Variants in ZNF7 observed in about 807,000 individuals in gnomAD.
ZNF7 encodes the protein C2-H2 type zinc finger protein.
A neutral mutation model predicts 12.0 loss-of-function variants in ZNF7; 10 were observed. The observed-to-expected ratio is 0.83, with a 90% CI of 0.51 to 1.42. ZNF7 has a LOEUF of 1.42. Among genes scored for constraint, ZNF7 ranks in the 40% most tolerant of loss-of-function variants. The probability of loss-of-function intolerance (pLI) is 0.00; values close to 1 mark genes in which losing one functional copy is unlikely to be tolerated. For synonymous variants in ZNF7, 334 were observed against 295.0 expected, an observed-to-expected ratio of 1.13 and a Z score of -1.35; for missense variants, 854 against 837.2, an observed-to-expected ratio of 1.02 and a Z score of -0.25.
chr8:144,837,882 A>G (rs1829215607), intron 4 of ZNF7: 4 of 575,768 alleles, frequency 6.9e-6, no homozygotes, highest in Non-Finnish European at 1.2e-5. Context: ...TCGGGTAAGC[A>G]TATTCCCTGA....
chr8:144,831,416 G>T (rs1038031423), intron 3 of ZNF7, among the ~76,000 whole-genome samples: 8 of 152,220 alleles, frequency 5.3e-5, no homozygotes, highest in African/African-American at 7.2e-5. Flanking sequence ...CAGTGATGGT[G>T]TGTCACAGCT....
Position 144,843,403 on chromosome 8 carries a change from C to CA in ZNF7, c.*236dup, listed in dbSNP as rs1830244365. 2.4e-6 allele frequency: 1 copy of CA among 416,812 alleles called. No homozygotes were observed. The allele number at this position is 416,812 out of a possible 1,614,324, so 25.8% of individuals were successfully genotyped here. On this transcript the variant is annotated 3_prime_UTR_variant, in exon 5 of 5. Coordinates refer to ENST00000532777, the MANE Select transcript of ZNF7 (RefSeq NM_003416.4). Reference sequence around the variant, plus strand: ...AGGAGGTTGAGACCATCCTGGGTAACAGGTGAAACCCCATCTCTACTAAAA... The same window carrying CA: ...AGGAGGTTGAGACCATCCTGGGTAACAAGGTGAAACCCCATCTCTACTAAAA...
At position 144,841,338 on chromosome 8, in the gene ZNF7, G is replaced by C. The variant is rs567693641; in HGVS notation, c.248-17G>C. 1.3e-6 allele frequency: 2 copies of C among 1,589,628 alleles called. No individual in the cohort carries two copies. Among genetic ancestry groups the C allele is most frequent in the Non-Finnish European group, 1.7e-6 (2 of 1,165,776 alleles). On this transcript the variant is annotated splice_polypyrimidine_tract_variant and intron_variant, in intron 4 of 4. Coordinates refer to ENST00000532777, the MANE Select transcript of ZNF7 (RefSeq NM_003416.4). ...AGCACAGGGCCTAAGGAACGTCTTTGTTCCTGTTTATTTCAGATTCTACGA... is the reference window on the plus strand; with the variant it reads ...AGCACAGGGCCTAAGGAACGTCTTTCTTCCTGTTTATTTCAGATTCTACGA...
At position 144,841,479 on chromosome 8, in the gene ZNF7, C is replaced by T. The variant is rs150995956; in HGVS notation, c.372C>T (p.Asp124=). ...QDFPQNPGFG[D]VSDSEVWLDS... ...TTCCTCAGAATCCTGGCTTTGGAGA[C>T]GTTTCTGATTCTGAGGTCTGGTTAG... is the stretch of plus-strand genomic sequence containing the variant. Residue 124 remains aspartate (D), a synonymous_variant, in exon 5 of 5, where the codon GAC becomes GAT. Transcript: ENST00000532777. 6.3e-5 allele frequency: 101 copies of T among 1,614,190 alleles called. No individual in the cohort carries two copies. The East Asian group carries it at 1.8e-3, about 29-fold the overall frequency.
Position 144,842,159 on chromosome 8 carries a change from G to C in ZNF7, c.1052G>C (p.Arg351Thr). ...TTCAGCCAGCAGTCGCAGCTGGTTA[G>C]ACACCAGAGAACTCACACTGGGGAG... is the stretch of plus-strand genomic sequence containing the variant. ...KAFSQQSQLV[R>T]HQRTHTGERP... Residue 351 changes from arginine to threonine, a missense_variant, in exon 5 of 5, where the codon AGA becomes ACA. By Grantham distance (71) the Arg-to-Thr change is moderately conservative. Transcript: ENST00000532777. 6 of 1,613,594 alleles carry C rather than the reference G, an allele frequency of 3.7e-6. No individual in the cohort carries two copies. The highest frequency in any genetic ancestry group is 5.1e-6 in the Non-Finnish European group (6 of 1,179,864).
intron 2 of ZNF7, 91 bp downstream of exon 2, chr8:144,829,181 TG>T: frequency 1.3e-6 from 2 of 1,595,408 alleles, no homozygotes; most frequent in Non-Finnish European, 1.7e-6. Context: ...GACCCTACCT[TG>T]GCCCTTGCTG....
chr8:144,844,095 C>T (rs1468174337), downstream of ZNF7, among the ~76,000 whole-genome samples: 4 of 152,220 alleles, frequency 2.6e-5, no homozygotes, highest in Non-Finnish European at 5.9e-5. Context: ...TGAGGTCACA[C>T]TTGTGTCCCA....
rs1047112348 is a variant in ZNF7, at chr8:144,827,587, G to A, written c.-68G>A. ...TTCCGGCGGCGTCGCGCGTTTGCGA[G>A]CCTCGGGTGGTCCTCAGGGAGGGTG... On this transcript the variant is annotated 5_prime_UTR_variant, in exon 1 of 5. Transcript: ENST00000532777. 92 of 985,686 alleles carry A rather than the reference G, an allele frequency of 9.3e-5. No homozygotes were observed. The highest frequency in any genetic ancestry group is 5.2e-4 in the Middle Eastern group (1 of 1,934). 61.1% of individuals were successfully genotyped at this position (985,686 alleles called of 1,614,324 possible).
At position 144,829,517 on chromosome 8, in the gene ZNF7, C is replaced by T. The variant is rs777836248; in HGVS notation, c.43C>T (p.Arg15Trp). 23 of 1,614,046 alleles carry T rather than the reference C, an allele frequency of 1.4e-5. No homozygotes were observed. The highest frequency in any genetic ancestry group is 1.3e-4 in the East Asian group (6 of 44,894). Reference sequence around the variant, plus strand: ...TGGCGATGTGGCTGTGCACTTCTCTCGGGAGGAGTGGCAGTGTCTGGACCC... The same window carrying T: ...TGGCGATGTGGCTGTGCACTTCTCTTGGGAGGAGTGGCAGTGTCTGGACCC... ...TFGDVAVHFSREEWQCLDPGQ... is the reference protein window; with the variant it reads ...TFGDVAVHFSWEEWQCLDPGQ... Residue 15 changes from arginine to tryptophan, a missense_variant, in exon 3 of 5, where the codon CGG becomes TGG. By Grantham distance (101) the Arg-to-Trp change is moderately radical (BLOSUM62 -3). Transcript: ENST00000532777.
At chr8:144,845,874 T>G, downstream of ZNF7, 2 of 1,138,176 alleles carry the variant, frequency 1.8e-6, no homozygotes, top group Non-Finnish European at 2.5e-6. Flanking sequence ...GTCCCTGCCT[T>G]GCGTCACGTG....
intron 3 of ZNF7, among the ~76,000 whole-genome samples, chr8:144,832,392 C>T (rs1828542332): frequency 1.6e-5 from 1 of 63,462 alleles, no homozygotes; most frequent in Non-Finnish European, 4.3e-5. Context: ...CACTGCACTC[C>T]AGCCTGGGTG....
At chr8:144,841,220 C>G in intron 4 of ZNF7, 135 bp from the exon 5 acceptor site, 1 of 860,164 alleles carries the variant, frequency 1.2e-6, no homozygotes, top group Non-Finnish European at 1.8e-6. Context: ...CCTTCTCTTG[C>G]ACGTTTCCAC....
chr8:144,842,675 A>T lies in ZNF7; in HGVS notation c.1568A>T (p.Lys523Met). 1.9e-6 allele frequency: 3 copies of T among 1,614,200 alleles called. No individual in the cohort carries two copies. The highest frequency in any genetic ancestry group is 2.5e-6 in the Non-Finnish European group (3 of 1,180,048). The change falls in exon 5 of 5, where the codon AAG (lysine) becomes ATG (methionine). Residue 523 changes from lysine (K) to methionine (M), a missense_variant. By Grantham distance (95) the Lys-to-Met change is moderately conservative. Transcript: ENST00000532777. The part of the protein sequence containing the change: ...IYHQRIHKGE[K>M]PYECLQCGKA... ...CATCAGAGAATCCATAAAGGAGAGA[A>T]GCCCTACGAATGCCTCCAATGCGGA...
chr8:144,840,471 C>T (rs1024590737), intron 4 of ZNF7, among the ~76,000 whole-genome samples: 6 of 152,216 alleles, frequency 3.9e-5, no homozygotes, highest in South Asian at 2.1e-4. Context: ...TGGTTGTGAA[C>T]GTGATTGTGT....
At chr8:144,834,667 C>T (rs1828792493) in intron 3 of ZNF7, 1 of 150,698 alleles carries the variant, frequency 6.6e-6, no homozygotes, top group African/African-American at 2.4e-5. Context: ...CCTTTGGATT[C>T]AACTAGCCAA....
intron 3 of ZNF7, chr8:144,831,101 T>TC: frequency 2.2e-6 from 1 of 451,154 alleles, no homozygotes; most frequent in Non-Finnish European, 4.5e-6. Flanking sequence ...ATGTAGCAGC[T>TC]CCATCTGCTG....
At position 144,841,938 on chromosome 8, in the gene ZNF7, C is replaced by A. The variant is rs1563842067; in HGVS notation, c.831C>A (p.Pro277=). The change falls in exon 5 of 5, where the codon CCC becomes CCA. Residue 277 remains proline, a synonymous_variant. Transcript: ENST00000532777. ...QHQRIHTGEK[P]FKCTECGKAF... is the part of the protein sequence containing the mutation. ...AGAGAATCCACACGGGAGAGAAACCCTTTAAATGCACTGAGTGTGGAAAAG... is the reference window on the plus strand; with the variant it reads ...AGAGAATCCACACGGGAGAGAAACCATTTAAATGCACTGAGTGTGGAAAAG... The A allele has an allele frequency of 6.2e-7, 1 of 1,614,108 alleles. No homozygotes were observed. The highest frequency in any genetic ancestry group is 8.5e-7 in the Non-Finnish European group (1 of 1,180,024).
chr8:144,841,126 C>A, intron 4 of ZNF7: 1 of 528,122 alleles, frequency 1.9e-6, no homozygotes, highest in Non-Finnish European at 3.3e-6. Context: ...CCAGCCCTGC[C>A]CCAGCAATGA....
chr8:144,841,785 A>G lies in ZNF7; in HGVS notation c.678A>G (p.Gln226=). Residue 226 remains glutamine, a synonymous_variant, in exon 5 of 5, where the codon CAA becomes CAG. Coordinates refer to ENST00000532777, the MANE Select transcript of ZNF7 (RefSeq NM_003416.4). ...EINTQKISRC[Q]ECQKKLSDCL... is the part of the protein sequence containing the mutation. Reference sequence around the variant, plus strand: ...ATACACAGAAAATTAGCAGATGTCAAGAATGCCAAAAAAAGTTATCTGACT... The same window carrying G: ...ATACACAGAAAATTAGCAGATGTCAGGAATGCCAAAAAAAGTTATCTGACT... 1 of 1,614,244 alleles carries G rather than the reference A, an allele frequency of 6.2e-7. No individual in the cohort carries two copies. The highest frequency in any genetic ancestry group is 1.7e-5 in the Admixed American group (1 of 60,032).
Sources: allele counts gnomAD v4.1 joint callset (sites outside exome capture counted in the v4.1 genomes callset), GRCh38; gene constraint gnomAD v4.1.1; transcripts MANE v1.5; gene names NCBI Gene and HGNC (gene_info 2026-07-23, HGNC 2026-07-21).